Variants in GNA12 observed in about 807,000 individuals in gnomAD.
GNA12 encodes the protein guanine nucleotide-binding protein subunit alpha-12.
GNA12 carries 9 observed loss-of-function variants against 26.0 expected under a neutral mutation model. The ratio of observed to expected loss-of-function variants is 0.35; its 90% CI spans 0.21 to 0.60. The LOEUF (loss-of-function observed/expected upper bound fraction) is 0.60, where lower values mean the gene tolerates loss of function less well. GNA12 is among the 20% of genes least tolerant of loss of function. The probability of loss-of-function intolerance (pLI) is 0.78; values close to 1 mark genes in which losing one functional copy is unlikely to be tolerated. For missense variants in GNA12, 405 were observed against 525.8 expected (o/e 0.77, Z 2.25); for synonymous variants, 264 against 219.6 (o/e 1.20, Z -1.79).
chr7:2,734,626 A>G (rs1790066734), intron 2 of GNA12, among the ~76,000 whole-genome samples: 1 of 152,232 alleles, frequency 6.6e-6, no homozygotes, highest in African/African-American at 2.4e-5. Flanking sequence ...TCTGTCCCAG[A>G]CAGACTGAGG....
chr7:2,777,452 T>A (rs551835336), intron 2 of GNA12, among the ~76,000 whole-genome samples: 1 of 152,378 alleles, frequency 6.6e-6, no homozygotes, highest in South Asian at 2.1e-4. Flanking sequence ...ATGAATGGAA[T>A]GGCTGTGCCT....
intron 1 of GNA12, among the ~76,000 whole-genome samples, chr7:2,800,460 C>G (rs573696427): frequency 6.6e-6 from 1 of 152,184 alleles, no homozygotes; most frequent in African/African-American, 2.4e-5. Flanking sequence ...TCCCAAAGCC[C>G]GTCTCCTGAC....
chr7:2,754,286 G>C (rs1791184541), intron 2 of GNA12, among the ~76,000 whole-genome samples: 1 of 152,104 alleles, frequency 6.6e-6, no homozygotes, highest in South Asian at 2.1e-4. Flanking sequence ...TGTCCTCTTT[G>C]GTGAAATCAC....
At chr7:2,803,303 A>G (rs775123477) in intron 1 of GNA12, among the ~76,000 whole-genome samples, 3 of 152,116 alleles carry the variant, frequency 2.0e-5, no homozygotes, top group African/African-American at 4.8e-5. Flanking sequence ...GGCTGTGGAG[A>G]GCTAAGAAGT....
chr7:2,732,627 T>A (rs798530), intron 3 of GNA12, among the ~76,000 whole-genome samples: 5 of 151,970 alleles, frequency 3.3e-5, no homozygotes, highest in Non-Finnish European at 5.9e-5. Context: ...GGCAGCTTCT[T>A]GCCAAAACAC....
At chr7:2,797,640 T>C (rs149045613) in intron 1 of GNA12, among the ~76,000 whole-genome samples, 3,524 of 152,248 alleles carry the variant, frequency 0.023, 56 homozygotes, top group Non-Finnish European at 0.033. Context: ...ATCAATTTGG[T>C]GCCTATAACT....
At chr7:2,807,668 G>C (rs1792981268) in intron 1 of GNA12, among the ~76,000 whole-genome samples, 1 of 151,712 alleles carries the variant, frequency 6.6e-6, no homozygotes, top group Non-Finnish European at 1.5e-5. Context: ...CTGGAGGAAA[G>C]TTCAAACTTG....
intron 1 of GNA12, among the ~76,000 whole-genome samples, chr7:2,803,265 A>G (rs1332048015): frequency 6.6e-6 from 1 of 152,180 alleles, no homozygotes; most frequent in Non-Finnish European, 1.5e-5. Flanking sequence ...CAGAATCGCC[A>G]CCGCTGGTGA....
At chr7:2,828,011 A>G (rs1334848784) in intron 1 of GNA12, among the ~76,000 whole-genome samples, 1 of 152,236 alleles carries the variant, frequency 6.6e-6, no homozygotes, top group African/African-American at 2.4e-5. Flanking sequence ...GAAAGAACTC[A>G]GGCAAGTTGG....
intron 2 of GNA12, among the ~76,000 whole-genome samples, chr7:2,770,273 G>C (rs1304203866): frequency 6.6e-6 from 1 of 152,104 alleles, no homozygotes; most frequent in Non-Finnish European, 1.5e-5. Flanking sequence ...TTGTTTAATA[G>C]GGTCTTGTTT....
At chr7:2,744,628 G>A (rs1400416324) in intron 2 of GNA12, among the ~76,000 whole-genome samples, 1 of 152,162 alleles carries the variant, frequency 6.6e-6, no homozygotes, top group African/African-American at 2.4e-5. Flanking sequence ...TCCTCCAAAG[G>A]AACGCAGCTC....
intron 2 of GNA12, chr7:2,762,833 T>G: frequency 6.7e-7 from 1 of 1,496,812 alleles, no homozygotes; most frequent in Non-Finnish European, 8.9e-7. Context: ...ACACACCCAG[T>G]CAGCGCGGCT....
chr7:2,731,187 C>T lies in GNA12; in HGVS notation c.1140G>A (p.Leu380=). ...ILQENLKDIM[L]Q ...AACCCCGGGGCTTCCTCGCTCACTGCAGCATGATGTCCTTCAGGTTCTCCT... is the reference window on the plus strand; with the variant it reads ...AACCCCGGGGCTTCCTCGCTCACTGTAGCATGATGTCCTTCAGGTTCTCCT... Residue 380 remains leucine (L), a synonymous_variant, in exon 4 of 4, where the codon CTG becomes CTA. Transcript: ENST00000275364. The surrounding 1 kb of genome is among the most constrained non-coding windows in gnomAD (Gnocchi z 6.0). 1 of 1,608,150 alleles carries T rather than the reference C, an allele frequency of 6.2e-7. No individual in the cohort carries two copies. The highest frequency in any genetic ancestry group is 8.5e-7 in the Non-Finnish European group (1 of 1,176,244).
chr7:2,824,841 T>G (rs1793448116), intron 1 of GNA12, among the ~76,000 whole-genome samples: 1 of 152,154 alleles, frequency 6.6e-6, no homozygotes, highest in Admixed American at 6.5e-5. Context: ...AGCCATCACC[T>G]AGGAGCTCAC....
At chr7:2,804,517 C>T (rs890737102) in intron 1 of GNA12, among the ~76,000 whole-genome samples, 3 of 152,146 alleles carry the variant, frequency 2.0e-5, no homozygotes, top group Non-Finnish European at 4.4e-5. Flanking sequence ...ACTTCAAAGC[C>T]AATAGGACTG....
At chr7:2,778,550 C>T (rs1792136542) in intron 2 of GNA12, among the ~76,000 whole-genome samples, 1 of 152,196 alleles carries the variant, frequency 6.6e-6, no homozygotes, top group South Asian at 2.1e-4. Context: ...AATACAGGCC[C>T]CTACTTCAGG....
At chr7:2,821,692 A>G (rs1332996677) in intron 1 of GNA12, among the ~76,000 whole-genome samples, 1 of 152,200 alleles carries the variant, frequency 6.6e-6, no homozygotes, top group Non-Finnish European at 1.5e-5. Context: ...AGTGATGAAC[A>G]ATGCTAGGTA....
chr7:2,788,844 G>A (rs1792431752), intron 2 of GNA12, among the ~76,000 whole-genome samples: 1 of 151,994 alleles, frequency 6.6e-6, no homozygotes, highest in Non-Finnish European at 1.5e-5. Context: ...ACAGGGTCTT[G>A]TTGCACACAC....
At chr7:2,739,916 G>T (rs371441540) in intron 2 of GNA12, among the ~76,000 whole-genome samples, 1 of 152,094 alleles carries the variant, frequency 6.6e-6, no homozygotes, top group Non-Finnish European at 1.5e-5. Context: ...CCAGTGATCC[G>T]CCCGCCTTGG....
Sources: allele counts gnomAD v4.1 joint callset (sites outside exome capture counted in the v4.1 genomes callset), GRCh38; gene constraint gnomAD v4.1.1; non-coding constraint Gnocchi (gnomAD v3.1); transcripts MANE v1.5; gene names NCBI Gene and HGNC (gene_info 2026-07-23, HGNC 2026-07-21).